The following EPS8 variants were observed in gnomAD, a reference collection of about 807,000 sequenced individuals.
EPS8 encodes the protein EGFR pathway substrate 8, signaling adaptor, also known as epidermal growth factor receptor kinase substrate 8.
In EPS8, 42 loss-of-function variants were observed where a neutral mutation model predicts 103.8. The ratio of observed to expected loss-of-function variants is 0.40; its 90% CI spans 0.32 to 0.52. EPS8 has a LOEUF of 0.52. Ranked by LOEUF, EPS8 falls within the 20% of genes least tolerant of loss-of-function variation. The pLI, the probability that EPS8 is intolerant of heterozygous loss-of-function variation, is 0.40. For missense variants in EPS8, 969 were observed against 1,005.1 expected (o/e 0.96, Z 0.49); for synonymous variants, 344 against 344.6 (o/e 1.00, Z 0.02).
intron 2 of EPS8, among the ~76,000 whole-genome samples, chr12:15,681,591 G>T (rs147417304): frequency 2.0e-5 from 3 of 151,536 alleles, no homozygotes; most frequent in African/African-American, 7.3e-5. Flanking sequence ...TTAGCCGGGC[G>T]TTGTGGCGCA....
At chr12:15,783,715 T>TAAAAAAAAAAAAAAAAAAAAAAAAAA (rs34686335) in intron 1 of EPS8, among the ~76,000 whole-genome samples, 1 of 95,370 alleles carries the variant, frequency 1.0e-5, no homozygotes, top group Non-Finnish European at 2.3e-5. Flanking sequence ...TCTGAGTTAG[T>TAAAAAAAAAAAAAAAAAAAAAAAAAA]AAAAAAAAAA....
intron 13 of EPS8, among the ~76,000 whole-genome samples, chr12:15,651,555 T>A (rs1031162396): frequency 6.6e-6 from 1 of 152,178 alleles, no homozygotes; most frequent in Non-Finnish European, 1.5e-5. Flanking sequence ...ATTAAATGTA[T>A]CAGCTCTGTT....
intron 1 of EPS8, among the ~76,000 whole-genome samples, chr12:15,770,827 T>C (rs1389699794): frequency 2.0e-5 from 3 of 152,180 alleles, no homozygotes; most frequent in African/African-American, 4.8e-5. Flanking sequence ...CCTTTTCATA[T>C]TGAGAGTTGG....
At position 15,704,073 on chromosome 12, in the gene EPS8, A is replaced by G. The variant is rs985036057; in HGVS notation, c.-21-21101T>C. Among the ~76,000 whole-genome samples, 4 of 152,114 alleles carry G rather than the reference A, an allele frequency of 2.6e-5. No homozygotes were observed. Among genetic ancestry groups the G allele is most frequent in the African/African-American group, 9.7e-5 (4 of 41,426 alleles). On this transcript the variant is annotated intron_variant, in intron 1 of 20. Transcript: ENST00000281172. The surrounding 1 kb of genome is among the most constrained non-coding windows in gnomAD (Gnocchi z 4.6). Reference sequence around the variant, plus strand: ...TTTAGAAAGTTCATTGTAAAATTCCAAAGACTGTAAGAATAGAGGGTTTTC... The same window carrying G: ...TTTAGAAAGTTCATTGTAAAATTCCGAAGACTGTAAGAATAGAGGGTTTTC...
intron 13 of EPS8, among the ~76,000 whole-genome samples, chr12:15,652,636 T>C (rs1378121210): frequency 6.6e-6 from 1 of 152,136 alleles, no homozygotes; most frequent in Non-Finnish European, 1.5e-5. Context: ...TTATACAGTA[T>C]AACAAGAACA....
chr12:15,743,750 C>T (rs570525306), intron 1 of EPS8, among the ~76,000 whole-genome samples: 2 of 152,048 alleles, frequency 1.3e-5, no homozygotes, highest in African/African-American at 2.4e-5. Context: ...ACACCTTATA[C>T]AAAATTAATT....
In EPS8 at chr12:15,695,846, G is replaced by A. The variant is rs1352029275; in HGVS notation, c.-21-12874C>T. The stretch of plus-strand genomic sequence containing the variant: ...AAAAATCAGCCAGACATGGTGGCAG[G>A]CACCTGTAATCCCAGCTACTCGGGA... On this transcript the variant is annotated intron_variant, in intron 1 of 20. Coordinates refer to ENST00000281172, the MANE Select transcript of EPS8 (RefSeq NM_004447.6). The surrounding 1 kb of genome is among the most constrained non-coding windows in gnomAD (Gnocchi z 5.0). Among the ~76,000 whole-genome samples the A allele has an allele frequency of 1.3e-5, 2 of 152,170 alleles. No homozygotes were observed. The highest frequency in any genetic ancestry group is 3.9e-4 in the East Asian group (2 of 5,184).
chr12:15,732,715 A>G, intron 1 of EPS8: 1 of 928,512 alleles, frequency 1.1e-6, no homozygotes, highest in Non-Finnish European at 1.3e-6. Flanking sequence ...ATGAAAAAGA[A>G]TATGATTTGC....
At position 15,755,720 on chromosome 12, in the gene EPS8, A is replaced by G. The variant is rs185002264; in HGVS notation, c.-22+33441T>C. ...AACCCACACCTCCACTCAAAAATTT[A>G]GCTTTCTCTCCACCCTCGTCCCTTC... On this transcript the variant is annotated intron_variant, in intron 1 of 20. Transcript: ENST00000281172. 2.6e-5 allele frequency among the ~76,000 whole-genome samples: 4 copies of G among 152,212 alleles called. No homozygotes were observed. In the East Asian group the frequency reaches 7.7e-4, roughly 29 times the overall value.
At chr12:15,683,615 AAAT>A (rs1946046204) in intron 1 of EPS8, 1 of 152,224 alleles carries the variant, frequency 6.6e-6, no homozygotes, top group African/African-American at 2.4e-5. Flanking sequence ...TTTCACAAGA[AAAT>A]AACTTTAAAA....
At chr12:15,687,331 G>T (rs1463382588) in intron 1 of EPS8, among the ~76,000 whole-genome samples, 1 of 152,088 alleles carries the variant, frequency 6.6e-6, no homozygotes, top group Non-Finnish European at 1.5e-5. Context: ...TTAAGTTCTT[G>T]TAACAATAAT....
intron 1 of EPS8, among the ~76,000 whole-genome samples, chr12:15,741,608 G>T (rs1376856072): frequency 6.6e-6 from 1 of 152,150 alleles, no homozygotes; most frequent in East Asian, 1.9e-4. Context: ...GAGGTGATTG[G>T]TTAGCACATA....
chr12:15,691,726 C>G (rs1419398434), intron 1 of EPS8, among the ~76,000 whole-genome samples: 1 of 152,146 alleles, frequency 6.6e-6, no homozygotes. Context: ...ACAGATACAC[C>G]ACATTTTTGT....
At chr12:15,649,331 T>C (rs1320649467) in intron 14 of EPS8, among the ~76,000 whole-genome samples, 1 of 152,218 alleles carries the variant, frequency 6.6e-6, no homozygotes, top group Admixed American at 6.5e-5. Context: ...GAGTATATTT[T>C]CTTATTTAAG....
At chr12:15,655,398 C>T (rs1240574017) in intron 12 of EPS8, among the ~76,000 whole-genome samples, 2 of 152,228 alleles carry the variant, frequency 1.3e-5, no homozygotes, top group Non-Finnish European at 2.9e-5. Context: ...ACACATTACA[C>T]TATTACACTG....
rs148335425 is a variant in EPS8, at chr12:15,632,446, TTAAATC to T, written c.1822-788_1822-783del. ...TAAAACACACATAATAGTTAACACT[TTAAATC>T]TAAGTAAAATAATTTTAATAGATAA... On this transcript the variant is annotated intron_variant, in intron 17 of 20. Transcript: ENST00000281172. Among the ~76,000 whole-genome samples the T allele has an allele frequency of 1.4e-3, 213 of 152,318 alleles. 1 individual carries two copies. In the East Asian group the frequency reaches 0.038, roughly 27 times the overall value.
chr12:15,686,250 CTTTA>C (rs1399605896), intron 1 of EPS8, among the ~76,000 whole-genome samples: 4 of 152,092 alleles, frequency 2.6e-5, no homozygotes, highest in Non-Finnish European at 5.9e-5. Context: ...CTCTAGCTTA[CTTTA>C]TTTTAGAATA....
intron 1 of EPS8, among the ~76,000 whole-genome samples, chr12:15,708,767 A>T (rs906821894): frequency 6.6e-6 from 1 of 152,228 alleles, no homozygotes; most frequent in Non-Finnish European, 1.5e-5. Context: ...GACTGTATTT[A>T]TTCTCACACT....
intron 1 of EPS8, among the ~76,000 whole-genome samples, chr12:15,744,476 C>T (rs1946856014): frequency 6.6e-6 from 1 of 152,160 alleles, no homozygotes; most frequent in South Asian, 2.1e-4. Context: ...TGAGCACTTC[C>T]AGCTAATATT....
Sources: gnomAD v4.1 joint callset for allele counts (sites outside exome capture counted in the v4.1 genomes callset) on GRCh38, gnomAD v4.1.1 for gene constraint, Gnocchi (gnomAD v3.1) non-coding constraint, MANE v1.5 for transcripts, NCBI Gene and HGNC (gene_info 2026-07-23, HGNC 2026-07-21) for gene names.